Variants in FBXL17 observed in about 807,000 individuals in gnomAD.
FBXL17 encodes the protein F-box and leucine rich repeat protein 17.
Under a neutral mutation model 66.2 loss-of-function variants are expected in FBXL17, and 22 were observed. The observed-to-expected ratio is 0.33, with a 90% CI of 0.24 to 0.47. FBXL17 has a LOEUF of 0.47. Among genes scored for constraint, FBXL17 ranks in the 20% least tolerant of loss-of-function variants. The pLI, the probability that FBXL17 is intolerant of heterozygous loss-of-function variation, is 1.00. For synonymous variants in FBXL17, 474 were observed against 400.5 expected, an observed-to-expected ratio of 1.18 and a Z score of -2.19; for missense variants, 878 against 948.2, an observed-to-expected ratio of 0.93 and a Z score of 0.97.
chr5:108,249,908 C>T (rs1441699781), intron 4 of FBXL17, among the ~76,000 whole-genome samples: 1 of 152,078 alleles, frequency 6.6e-6, no homozygotes, highest in Non-Finnish European at 1.5e-5. Flanking sequence ...AAGTAAACAG[C>T]AACGAATGAA....
At chr5:107,876,712 T>C (rs1034946211) in intron 8 of FBXL17, among the ~76,000 whole-genome samples, 20 of 150,400 alleles carry the variant, frequency 1.3e-4, no homozygotes, top group African/African-American at 4.8e-4. Context: ...TTTATCATGA[T>C]TTTTTTTGGT....
chr5:108,184,777 A>G (rs1404706438), intron 6 of FBXL17, among the ~76,000 whole-genome samples: 1 of 150,972 alleles, frequency 6.6e-6, no homozygotes, highest in Non-Finnish European at 1.5e-5. Context: ...AAGAGGGAAA[A>G]TATCTTAAAT....
Position 107,906,800 on chromosome 5 carries a change from C to T in FBXL17, c.1823-25621G>A, listed in dbSNP as rs553153820. ...TTAAAAGCAACTAAGGAGTGGAATA[C>T]CGTTTCATTTAAACAGTCTGAACAA... is the stretch of plus-strand genomic sequence containing the variant. On this transcript the variant is annotated intron_variant, in intron 7 of 8. Coordinates refer to ENST00000542267, the MANE Select transcript of FBXL17 (RefSeq NM_001163315.3). Among the ~76,000 whole-genome samples the T allele has an allele frequency of 1.6e-4, 25 of 152,306 alleles. 3 individuals are homozygous for T. The South Asian group carries it at 5.2e-3, about 32-fold the overall frequency.
chr5:107,937,541 T>C (rs1428750977), intron 7 of FBXL17, among the ~76,000 whole-genome samples: 1 of 152,154 alleles, frequency 6.6e-6, no homozygotes, highest in Admixed American at 6.6e-5. Flanking sequence ...GCCAAAATGT[T>C]GATAAGCTTA....
chr5:108,040,172 T>C (rs893791239), intron 6 of FBXL17, among the ~76,000 whole-genome samples: 1 of 152,100 alleles, frequency 6.6e-6, no homozygotes, highest in Non-Finnish European at 1.5e-5. Context: ...CTAAACATAG[T>C]CACTAACACG....
At chr5:108,176,828 T>C (rs1752810760) in intron 6 of FBXL17, among the ~76,000 whole-genome samples, 1 of 152,156 alleles carries the variant, frequency 6.6e-6, no homozygotes, top group Non-Finnish European at 1.5e-5. Context: ...TTTATTTAAA[T>C]TTGAATGCAC....
At chr5:108,227,736 T>C (rs921187180) in intron 4 of FBXL17, among the ~76,000 whole-genome samples, 1 of 152,174 alleles carries the variant, frequency 6.6e-6, no homozygotes, top group African/African-American at 2.4e-5. Context: ...CCCTCAAAAG[T>C]AAAGTATGCT....
intron 7 of FBXL17, among the ~76,000 whole-genome samples, chr5:107,915,129 C>A (rs1254148048): frequency 3.3e-5 from 5 of 152,036 alleles, no homozygotes; most frequent in Admixed American, 1.3e-4. Context: ...TTTGCTTAGA[C>A]CCAAGCATCT....
At chr5:108,055,860 A>T (rs891226715) in intron 6 of FBXL17, among the ~76,000 whole-genome samples, 1 of 152,020 alleles carries the variant, frequency 6.6e-6, no homozygotes, top group Non-Finnish European at 1.5e-5. Flanking sequence ...GAAAAAAGAA[A>T]AAAAAGTCTA....
At chr5:107,925,406 C>T (rs1750493550) in intron 7 of FBXL17, among the ~76,000 whole-genome samples, 1 of 152,174 alleles carries the variant, frequency 6.6e-6, no homozygotes, top group African/African-American at 2.4e-5. Context: ...ATTGCCCTCC[C>T]ATATTCCTTC....
At chr5:107,955,150 A>AT (rs1183526320) in intron 7 of FBXL17, among the ~76,000 whole-genome samples, 5 of 152,054 alleles carry the variant, frequency 3.3e-5, no homozygotes, top group Non-Finnish European at 7.4e-5. Flanking sequence ...TTATTTCTTG[A>AT]TTTTTTAAAA....
At chr5:108,090,038 A>G (rs1030198214) in intron 6 of FBXL17, among the ~76,000 whole-genome samples, 3 of 152,082 alleles carry the variant, frequency 2.0e-5, no homozygotes, top group Admixed American at 6.5e-5. Flanking sequence ...ATGTTGATCA[A>G]GGCTGGTCTT....
At chr5:108,022,070 G>A (rs1253521480) in intron 6 of FBXL17, among the ~76,000 whole-genome samples, 2 of 151,796 alleles carry the variant, frequency 1.3e-5, no homozygotes, top group African/African-American at 4.8e-5. Flanking sequence ...ATTCATTATT[G>A]AAGGTTAAAT....
At chr5:108,061,268 C>T (rs1265946023) in intron 6 of FBXL17, among the ~76,000 whole-genome samples, 1 of 151,832 alleles carries the variant, frequency 6.6e-6, no homozygotes, top group African/African-American at 2.4e-5. Context: ...GCCTGGGTAA[C>T]AAGAGCCAAA....
intron 7 of FBXL17, among the ~76,000 whole-genome samples, chr5:107,998,648 T>C (rs1452237441): frequency 6.6e-6 from 1 of 152,044 alleles, no homozygotes; most frequent in Non-Finnish European, 1.5e-5. Flanking sequence ...CATATATGTA[T>C]ATAAAATTTT....
At chr5:108,220,348 C>G (rs1338156400) in intron 5 of FBXL17, among the ~76,000 whole-genome samples, 3 of 152,126 alleles carry the variant, frequency 2.0e-5, no homozygotes, top group South Asian at 2.1e-4. Context: ...GAGTTACCCC[C>G]CAACCTGTGC....
rs543434335 is a variant in FBXL17, at chr5:108,199,830, T to A, written c.1615-13583A>T. On this transcript the variant is annotated intron_variant, in intron 5 of 8. Transcript: ENST00000542267. ...AGGAAAATAGAAACTACTATAAATATGAAATTACACAAAGGAAATTTCATT... is the reference window on the plus strand; with the variant it reads ...AGGAAAATAGAAACTACTATAAATAAGAAATTACACAAAGGAAATTTCATT... Among the ~76,000 whole-genome samples the A allele has an allele frequency of 1.8e-4, 27 of 152,302 alleles. No individual in the cohort carries two copies. The South Asian group carries it at 5.6e-3, about 32-fold the overall frequency.
chr5:108,239,793 G>C (rs557200639), intron 4 of FBXL17, among the ~76,000 whole-genome samples: 3 of 151,878 alleles, frequency 2.0e-5, no homozygotes, highest in Admixed American at 6.6e-5. Flanking sequence ...TGCAGCTCCA[G>C]GAGAGACTCC....
chr5:108,348,148 T>C (rs1309899692), intron 4 of FBXL17, among the ~76,000 whole-genome samples: 3 of 152,206 alleles, frequency 2.0e-5, no homozygotes, highest in African/African-American at 7.2e-5. Flanking sequence ...TAGTTCACTG[T>C]CCACATTTAG....
Sources: allele counts gnomAD v4.1 joint callset (sites outside exome capture counted in the v4.1 genomes callset), GRCh38; gene constraint gnomAD v4.1.1; transcripts MANE v1.5; gene names NCBI Gene and HGNC (gene_info 2026-07-23, HGNC 2026-07-21).